SOX5: variants seen among roughly 807,000 people sequenced by gnomAD.
SOX5 encodes SRY-box transcription factor 5, also known as transcription factor SOX-5.
In SOX5, 9 loss-of-function variants were observed where a neutral mutation model predicts 92.0. That is an observed-to-expected ratio of 0.10 (90% CI 0.06 to 0.17). The LOEUF is 0.17. SOX5 is among the 10% of genes least tolerant of loss of function. SOX5 has a pLI of 1.00. For synonymous variants in SOX5, 344 were observed against 336.3 expected, an observed-to-expected ratio of 1.02 and a Z score of -0.25; for missense variants, 642 against 944.5, an observed-to-expected ratio of 0.68 and a Z score of 4.20.
chr12:23,857,735 C>CT (rs36116499), intron 2 of SOX5, among the ~76,000 whole-genome samples: 17,355 of 140,650 alleles, frequency 0.12, 1,162 homozygotes, highest in South Asian at 0.18. Context: ...TTTTTTCTTT[C>CT]TTTTTTTTTT....
chr12:23,992,731 A>G (rs1346618149), intron 4 of SOX5, among the ~76,000 whole-genome samples: 1 of 152,134 alleles, frequency 6.6e-6, no homozygotes, highest in East Asian at 1.9e-4. Context: ...CATTTTTTAT[A>G]ACACAGTAAC....
rs1948647130 is a variant in SOX5 at position 23,573,291 on chromosome 12, T to TTTATA, written c.1342+2369_1342+2370insTATAA. Among the ~76,000 whole-genome samples, 4 of 152,322 alleles carry TTTATA rather than the reference T, an allele frequency of 2.6e-5. No homozygotes were observed. In the East Asian group the frequency reaches 7.7e-4, roughly 29 times the overall value. ...AAAAAGATGAGTTTATATCACCAAATTAACTTTATTTCTTCATATTCTTCC... is the reference window on the plus strand; with the variant it reads ...AAAAAGATGAGTTTATATCACCAAATTTATATAACTTTATTTCTTCATATTCTTCC... On this transcript the variant is annotated intron_variant, in intron 10 of 14. Coordinates refer to ENST00000451604, the MANE Select transcript of SOX5 (RefSeq NM_006940.6).
chr12:24,509,550 A>C (rs2138283984), intron 1 of SOX5, among the ~76,000 whole-genome samples: 1 of 152,328 alleles, frequency 6.6e-6, no homozygotes, highest in Non-Finnish European at 1.5e-5. Context: ...GAGTTTCTAA[A>C]ATTTTGGGGG....
chr12:24,385,938 AAAAAAAAG>A (rs1566040463), intron 1 of SOX5, among the ~76,000 whole-genome samples: 1 of 150,452 alleles, frequency 6.6e-6, no homozygotes, highest in Non-Finnish European at 1.5e-5. Context: ...AAAAAAAAAA[AAAAAAAAG>A]AGAGAGAGAT....
At chr12:24,180,378 T>A (rs1482243489) in intron 4 of SOX5, among the ~76,000 whole-genome samples, 1 of 152,196 alleles carries the variant, frequency 6.6e-6, no homozygotes, top group Admixed American at 6.5e-5. Context: ...ATTAAATGTC[T>A]CAACTAAATA....
intron 4 of SOX5, among the ~76,000 whole-genome samples, chr12:24,126,470 C>T (rs1332236182): frequency 1.3e-5 from 2 of 152,170 alleles, no homozygotes; most frequent in African/African-American, 2.4e-5. Flanking sequence ...ACCATGCTAT[C>T]CTTACTAATA....
At chr12:24,011,576 C>T (rs1378078404) in intron 4 of SOX5, among the ~76,000 whole-genome samples, 6 of 152,042 alleles carry the variant, frequency 3.9e-5, no homozygotes, top group African/African-American at 1.4e-4. Context: ...CAGTTCTGGC[C>T]CATTTCTCAA....
At chr12:24,264,265 T>C (rs924536036) in intron 3 of SOX5, among the ~76,000 whole-genome samples, 4 of 152,210 alleles carry the variant, frequency 2.6e-5, no homozygotes, top group Admixed American at 6.5e-5. Context: ...AATCAACACA[T>C]TGAGTTCTAT....
chr12:24,244,089 C>T (rs1487816769), intron 3 of SOX5, among the ~76,000 whole-genome samples: 2 of 149,730 alleles, frequency 1.3e-5, no homozygotes, highest in Admixed American at 1.3e-4. Context: ...CATTTTACAC[C>T]AAATCATAAT....
intron 4 of SOX5, among the ~76,000 whole-genome samples, chr12:24,140,281 G>C (rs1165489902): frequency 6.6e-6 from 1 of 152,108 alleles, no homozygotes; most frequent in African/African-American, 2.4e-5. Context: ...AATTAGAGAG[G>C]AAGTGATGTT....
chr12:24,489,422 C>G (rs1175206989), intron 1 of SOX5, among the ~76,000 whole-genome samples: 1 of 152,036 alleles, frequency 6.6e-6, no homozygotes, highest in South Asian at 2.1e-4. Context: ...CCCTGGGGGT[C>G]TAAGTGGACT....
At chr12:23,618,305 A>C (rs1015325116) in intron 8 of SOX5, among the ~76,000 whole-genome samples, 2 of 152,198 alleles carry the variant, frequency 1.3e-5, no homozygotes, top group Admixed American at 6.5e-5. Context: ...TTTGGGTATT[A>C]TGAGAATTAC....
At chr12:23,864,470 T>C (rs1221017958) in intron 2 of SOX5, among the ~76,000 whole-genome samples, 2 of 152,166 alleles carry the variant, frequency 1.3e-5, no homozygotes, top group Non-Finnish European at 2.9e-5. Context: ...TCTTGCACCA[T>C]AGTTAGCCAA....
In SOX5 at chr12:23,666,114, C is replaced by CT. The variant is rs1249546585; in HGVS notation, c.811-551dup. On this transcript the variant is annotated intron_variant, in intron 6 of 14. Transcript: ENST00000451604. ...ATTACAGAATAGCTAAAACTTTACT[C>CT]TTTTTTTTTTTTTAATAGAAGAGGT... 2.7e-3 allele frequency among the ~76,000 whole-genome samples: 389 copies of CT among 144,102 alleles called. 1 individual carries two copies. The highest frequency in any genetic ancestry group is 5.8e-3 in the African/African-American group (229 of 39,570). The allele number at this position is 144,102 out of a possible 152,430, so 94.5% of individuals were successfully genotyped here.
intron 2 of SOX5, among the ~76,000 whole-genome samples, chr12:24,287,679 C>A (rs750558070): frequency 2.6e-5 from 3 of 117,530 alleles, no homozygotes; most frequent in East Asian, 2.7e-4. Context: ...CAAAAAAATT[C>A]TTAAAATCAT....
intron 4 of SOX5, among the ~76,000 whole-genome samples, chr12:24,053,189 T>TC (rs1957742974): frequency 6.7e-6 from 1 of 149,924 alleles, no homozygotes; most frequent in East Asian, 1.9e-4. Context: ...CCCCCCCCCT[T>TC]TTTTTTTTTT....
At chr12:23,889,202 T>G (rs1372977474) in intron 2 of SOX5, among the ~76,000 whole-genome samples, 1 of 152,304 alleles carries the variant, frequency 6.6e-6, no homozygotes, top group South Asian at 2.1e-4. Context: ...CACACTGGTT[T>G]AACAACAATA....
At chr12:24,087,602 G>A (rs1280270268) in intron 4 of SOX5, among the ~76,000 whole-genome samples, 5 of 151,978 alleles carry the variant, frequency 3.3e-5, no homozygotes, top group Admixed American at 3.3e-4. Context: ...TTTGCTGAGA[G>A]CAAATACTTG....
At chr12:24,052,009 A>C (rs1050357147) in intron 4 of SOX5, among the ~76,000 whole-genome samples, 3 of 152,184 alleles carry the variant, frequency 2.0e-5, no homozygotes, top group Admixed American at 6.5e-5. Context: ...CTTAGCATTT[A>C]AAACTGTCAC....
Sources: gnomAD v4.1 joint callset for allele counts (sites outside exome capture counted in the v4.1 genomes callset) on GRCh38, gnomAD v4.1.1 for gene constraint, MANE v1.5 for transcripts, NCBI Gene and HGNC (gene_info 2026-07-23, HGNC 2026-07-21) for gene names.